The following CELF2 variants were observed in gnomAD, a reference collection of about 807,000 sequenced individuals.
CELF2 encodes the protein CUGBP Elav-like family member 2, also known as CUG triplet repeat RNA-binding protein 2.
CELF2 carries 8 observed loss-of-function variants against 62.6 expected under a neutral mutation model. The observed-to-expected ratio is 0.13, with a 90% CI of 0.07 to 0.23. The LOEUF is 0.23. Among genes scored for constraint, CELF2 ranks in the 10% least tolerant of loss-of-function variants. CELF2 has a pLI of 1.00. For missense variants in CELF2, 333 were observed against 671.0 expected (o/e 0.50, Z 5.56); for synonymous variants, 258 against 250.0 (o/e 1.03, Z -0.30).
rs75312331 is a variant in CELF2, at chr10:11,037,413, A to G, written c.74+19250A>G. Among the ~76,000 whole-genome samples, 310 of 152,340 alleles carry G rather than the reference A, an allele frequency of 2.0e-3. 5 individuals carry two copies. The East Asian group carries it at 0.038, about 19-fold the overall frequency. ...ACAGCCAAACCATATCGACCACTGT[A>G]TCTCAGCTGATTGGGGTGGAGGTAG... On this transcript the variant is annotated intron_variant, in intron 1 of 12. Coordinates refer to ENST00000633077, the MANE Select transcript of CELF2 (RefSeq NM_001326342.2).
chr10:10,980,611 C>A (rs1431842492), intron 2 of CELF2, among the ~76,000 whole-genome samples: 1 of 152,178 alleles, frequency 6.6e-6, no homozygotes, highest in African/African-American at 2.4e-5. Context: ...GTCTTTGCAC[C>A]TGCTCTTCCC....
chr10:10,866,056 A>G (rs1166053546), intron 1 of CELF2, among the ~76,000 whole-genome samples: 2 of 152,106 alleles, frequency 1.3e-5, no homozygotes, highest in Non-Finnish European at 2.9e-5. Flanking sequence ...ATTGGTAGGC[A>G]TGTTCACACT....
the CELF2 span, among the ~76,000 whole-genome samples, chr10:10,694,694 T>C: frequency 4.0e-5 from 6 of 151,652 alleles, no homozygotes; most frequent in Admixed American, 1.3e-4. Context: ...ATCTGGGTGC[T>C]CCTGTATTGG....
the CELF2 span, among the ~76,000 whole-genome samples, chr10:10,599,489 T>C: frequency 6.6e-6 from 1 of 152,162 alleles, no homozygotes; most frequent in Non-Finnish European, 1.5e-5. Flanking sequence ...ATTCTCTTCC[T>C]GAATTCCAGT....
rs2050827731 is a variant in CELF2 at position 10,972,227 on chromosome 10, A to G, written c.89+52228A>G. ...GTTATCCCAAAGCATGCACCAAAGA[A>G]CACAACTTTTGAAGGATATGAATAG... On this transcript the variant is annotated intron_variant, in intron 2 of 13. Transcript: ENST00000636488. The surrounding 1 kb of genome is among the most constrained non-coding windows in gnomAD (Gnocchi z 4.4). Among the ~76,000 whole-genome samples the G allele has an allele frequency of 2.0e-5, 3 of 152,200 alleles. No individual in the cohort carries two copies. The highest frequency in any genetic ancestry group is 2.4e-5 in the African/African-American group (1 of 41,446).
At chr10:10,913,849 GGGAAGGAGAGAA>G (rs1306490171) in intron 1 of CELF2, among the ~76,000 whole-genome samples, 4 of 47,994 alleles carry the variant, frequency 8.3e-5, no homozygotes, top group Non-Finnish European at 1.4e-4. Flanking sequence ...GAAGGAAGGA[GGGAAGGAGAGAA>G]GGAAGGAAGG....
the CELF2 span, among the ~76,000 whole-genome samples, chr10:10,686,435 C>G: frequency 6.6e-6 from 1 of 151,928 alleles, no homozygotes; most frequent in African/African-American, 2.4e-5. Context: ...ATCACCGCAT[C>G]CCTGAGATCT....
chr10:10,625,500 A>G, the CELF2 span, among the ~76,000 whole-genome samples: 1 of 152,214 alleles, frequency 6.6e-6, no homozygotes, highest in Admixed American at 6.5e-5. Context: ...CAAAAGCCTC[A>G]TGCCCTGCTG....
At chr10:10,730,502 G>A in the CELF2 span, among the ~76,000 whole-genome samples, 1 of 151,984 alleles carries the variant, frequency 6.6e-6, no homozygotes, top group South Asian at 2.1e-4. Flanking sequence ...AAAAAAAGTA[G>A]GTCTTTTCAT....
chr10:11,264,698 G>A (rs186308518), intron 5 of CELF2, among the ~76,000 whole-genome samples: 1 of 152,350 alleles, frequency 6.6e-6, no homozygotes, highest in Non-Finnish European at 1.5e-5. Flanking sequence ...GGAAGCCAGT[G>A]GAGGTCCTGT....
At chr10:10,553,108 A>T in the CELF2 span, among the ~76,000 whole-genome samples, 1 of 152,220 alleles carries the variant, frequency 6.6e-6, no homozygotes, top group African/African-American at 2.4e-5. Flanking sequence ...ACCGTTCTGC[A>T]GGGCAAGGTA....
At position 11,243,542 on chromosome 10, in the gene CELF2, T is replaced by C. The variant is rs2074666165; in HGVS notation, c.355-5611T>C. ...TCCTGCCATTTCCCCACAAGCATGC[T>C]GCGGCCTTGCGTGAGAGGACCAGAG... On this transcript the variant is annotated intron_variant, in intron 3 of 12. Coordinates refer to ENST00000633077, the MANE Select transcript of CELF2 (RefSeq NM_001326342.2). This position sits in a 1 kb window ranked among gnomAD's most constrained non-coding sequence, Gnocchi z 4.1. Among the ~76,000 whole-genome samples the C allele has an allele frequency of 1.3e-5, 2 of 152,302 alleles. No individual in the cohort carries two copies. The highest frequency in any genetic ancestry group is 4.1e-4 in the South Asian group (2 of 4,822).
intron 1 of CELF2, among the ~76,000 whole-genome samples, chr10:11,121,052 C>T (rs2057645378): frequency 8.5e-5 from 13 of 152,162 alleles, no homozygotes; most frequent in Admixed American, 8.5e-4. Flanking sequence ...AAGGCATGTT[C>T]CTGTCGTGGA....
the CELF2 span, among the ~76,000 whole-genome samples, chr10:10,524,191 G>C: frequency 6.6e-6 from 1 of 151,986 alleles, no homozygotes; most frequent in South Asian, 2.1e-4. Flanking sequence ...GAAGGAATAA[G>C]AAAGAAAACT....
At chr10:10,946,293 T>C (rs1244030924) in intron 2 of CELF2, 1 of 152,270 alleles carries the variant, frequency 6.6e-6, no homozygotes, top group African/African-American at 2.4e-5. Flanking sequence ...AGGACCAATT[T>C]GGGGAATTTC....
At chr10:10,777,608 A>G in the CELF2 span, among the ~76,000 whole-genome samples, 2 of 152,156 alleles carry the variant, frequency 1.3e-5, no homozygotes, top group Non-Finnish European at 2.9e-5. Context: ...GCCTTGGTCA[A>G]CTTGTCTCCC....
At chr10:10,573,399 G>A in the CELF2 span, among the ~76,000 whole-genome samples, 1 of 152,066 alleles carries the variant, frequency 6.6e-6, no homozygotes, top group Non-Finnish European at 1.5e-5. Flanking sequence ...TCGTTTTGGT[G>A]ATTTCATCAT....
At chr10:10,663,876 C>T in the CELF2 span, among the ~76,000 whole-genome samples, 1 of 152,152 alleles carries the variant, frequency 6.6e-6, no homozygotes, top group Non-Finnish European at 1.5e-5. Context: ...CAGTTTACTA[C>T]CGGTAGTTAA....
the CELF2 span, among the ~76,000 whole-genome samples, chr10:10,720,760 C>T: frequency 2.0e-5 from 3 of 152,192 alleles, no homozygotes; most frequent in African/African-American, 4.8e-5. Context: ...GGTTTGGACC[C>T]AAGTCATCTT....
Sources: allele counts gnomAD v4.1 joint callset (sites outside exome capture counted in the v4.1 genomes callset), GRCh38; gene constraint gnomAD v4.1.1; non-coding constraint Gnocchi (gnomAD v3.1); transcripts MANE v1.5; gene names NCBI Gene and HGNC (gene_info 2026-07-23, HGNC 2026-07-21).